Variants in ABCC4 observed in about 807,000 individuals in gnomAD.
ABCC4 encodes the protein ATP-binding cassette sub-family C member 4.
Under a neutral mutation model 168.5 loss-of-function variants are expected in ABCC4, and 102 were observed. The ratio of observed to expected loss-of-function variants is 0.61; its 90% CI spans 0.52 to 0.71. The LOEUF is 0.71. Ranked by LOEUF, ABCC4 falls within the 30% of genes least tolerant of loss-of-function variation. The pLI, the probability that ABCC4 is intolerant of heterozygous loss-of-function variation, is 0.00. For synonymous variants in ABCC4, 617 were observed against 590.7 expected (o/e 1.04, Z -0.65); for missense variants, 1,402 against 1,605.8 (o/e 0.87, Z 2.17).
intron 19 of ABCC4, among the ~76,000 whole-genome samples, chr13:95,138,980 C>T (rs1468087506): frequency 2.0e-5 from 3 of 152,190 alleles, no homozygotes; most frequent in Non-Finnish European, 4.4e-5. Flanking sequence ...CTTCAAGGCT[C>T]GCCCCACCTC....
At chr13:95,057,857 A>G (rs574908743) in intron 26 of ABCC4, among the ~76,000 whole-genome samples, 1 of 152,344 alleles carries the variant, frequency 6.6e-6, no homozygotes, top group African/African-American at 2.4e-5. Context: ...TAGATTCCCT[A>G]CATCAGTGTG....
rs2035038764 is a variant in ABCC4 at position 95,107,216 on chromosome 13, CA to C, written c.2535+8705del. On this transcript the variant is annotated intron_variant, in intron 20 of 30. Transcript: ENST00000645237. ...AAGCTACAGTGAGCCGAGATGGCAC[CA>C]TTGCACTCCAGCTTCGGTGACAAGA... is the stretch of plus-strand genomic sequence containing the variant. 2.0e-5 allele frequency among the ~76,000 whole-genome samples: 3 copies of C among 152,246 alleles called. No homozygotes were observed. The South Asian group carries it at 6.2e-4, about 32-fold the overall frequency.
chr13:95,173,801 C>T (rs930916709), intron 13 of ABCC4, among the ~76,000 whole-genome samples: 3 of 152,206 alleles, frequency 2.0e-5, no homozygotes, highest in Non-Finnish European at 2.9e-5. Flanking sequence ...GAGGTGAGGC[C>T]TATTTCATGA....
chr13:95,235,885 A>G (rs147029509), intron 3 of ABCC4, among the ~76,000 whole-genome samples: 94 of 152,336 alleles, frequency 6.2e-4, no homozygotes, highest in African/African-American at 2.2e-3. Flanking sequence ...AGGGAATGTC[A>G]TCAGTGGCTC....
chr13:95,071,403 G>C (rs1430064808), intron 25 of ABCC4, among the ~76,000 whole-genome samples: 2 of 152,122 alleles, frequency 1.3e-5, no homozygotes, highest in Non-Finnish European at 2.9e-5. Context: ...TGACTTCCTG[G>C]AAAAATCCAT....
Position 95,157,865 on chromosome 13 carries a change from A to G in ABCC4, c.2455+3324T>C, listed in dbSNP as rs545774935. ...AGCGGGCAGATCACGAGGTCAGGAGATCGAGACCATCCTGGCCAACACGGT... is the reference window on the plus strand; with the variant it reads ...AGCGGGCAGATCACGAGGTCAGGAGGTCGAGACCATCCTGGCCAACACGGT... On this transcript the variant is annotated intron_variant, in intron 19 of 30. Transcript: ENST00000645237. Among the ~76,000 whole-genome samples the G allele has an allele frequency of 3.9e-5, 6 of 151,996 alleles. No homozygotes were observed. The South Asian group carries it at 1.2e-3, about 32-fold the overall frequency.
At chr13:95,259,096 C>G (rs2138844292) in intron 1 of ABCC4, among the ~76,000 whole-genome samples, 1 of 152,194 alleles carries the variant, frequency 6.6e-6, no homozygotes. Context: ...ATTAGAAATG[C>G]CTTCCCCCGG....
At chr13:95,183,565 T>G (rs945777710) in intron 11 of ABCC4, among the ~76,000 whole-genome samples, 1 of 152,222 alleles carries the variant, frequency 6.6e-6, no homozygotes, top group African/African-American at 2.4e-5. Context: ...CATGTCCTTA[T>G]TTCTCAGCAG....
At chr13:95,209,914 C>A (rs2139683010) in intron 5 of ABCC4, among the ~76,000 whole-genome samples, 1 of 152,346 alleles carries the variant, frequency 6.6e-6, no homozygotes, top group South Asian at 2.1e-4. Flanking sequence ...CTCCCATATG[C>A]CCTGGGGCTC....
chr13:95,163,509 A>G, intron 17 of ABCC4, 101 bp downstream of exon 17: 1 of 1,123,026 alleles, frequency 8.9e-7, no homozygotes, highest in Non-Finnish European at 1.3e-6. Flanking sequence ...AGTGAGGATT[A>G]GAAGAGAAGG....
Position 95,269,100 on chromosome 13 carries a change from T to C in ABCC4, c.75-21347A>G, listed in dbSNP as rs143856450. ...CCCTTTGGTTCCAATTGGCAGCCAT[T>C]TGCTGTAGTAAAACTGTAATTGTAA... On this transcript the variant is annotated intron_variant, in intron 1 of 30. Transcript: ENST00000645237. 3.9e-4 allele frequency among the ~76,000 whole-genome samples: 60 copies of C among 152,288 alleles called. No homozygotes were observed. The East Asian group carries it at 0.01, about 25-fold the overall frequency.
intron 10 of ABCC4, among the ~76,000 whole-genome samples, chr13:95,188,032 T>C (rs2038124432): frequency 6.6e-6 from 1 of 152,208 alleles, no homozygotes; most frequent in African/African-American, 2.4e-5. Flanking sequence ...GTTTATTAAA[T>C]GTGTGTTCAT....
chr13:95,193,205 G>C (rs1409045138), intron 9 of ABCC4, among the ~76,000 whole-genome samples: 1 of 152,222 alleles, frequency 6.6e-6, no homozygotes. Context: ...GAGGCAGTGG[G>C]GCTGGGCAGG....
chr13:95,058,484 G>A (rs369974700), intron 26 of ABCC4, among the ~76,000 whole-genome samples: 1 of 138,548 alleles, frequency 7.2e-6, no homozygotes, highest in South Asian at 2.4e-4. Context: ...CAGGAGAATC[G>A]CTTGAACCCA....
rs1357434756 is a variant in ABCC4 at position 95,266,881 on chromosome 13, T to G, written c.75-19128A>C. 2.0e-3 allele frequency among the ~76,000 whole-genome samples: 264 copies of G among 129,956 alleles called. 1 individual carries two copies. Among genetic ancestry groups the G allele is most frequent in the African/African-American group, 9.6e-3 (243 of 25,310 alleles). The allele number at this position is 129,956 out of a possible 152,430, so 85.3% of individuals were successfully genotyped here. A position where few individuals can be genotyped will look rare whatever the true frequency, so the allele number is the denominator to read the frequency against. On this transcript the variant is annotated intron_variant, in intron 1 of 30. Coordinates refer to ENST00000645237, the MANE Select transcript of ABCC4 (RefSeq NM_005845.5). Reference sequence around the variant, plus strand: ...CTCTGTCTCCACTCAAATCTCATCTTTTTTTTTTTTTTTTGAGACGGAGTT... The same window carrying G: ...CTCTGTCTCCACTCAAATCTCATCTGTTTTTTTTTTTTTTGAGACGGAGTT...
intron 20 of ABCC4, among the ~76,000 whole-genome samples, chr13:95,098,001 T>G (rs964057259): frequency 1.3e-5 from 2 of 151,782 alleles, no homozygotes; most frequent in Non-Finnish European, 2.9e-5. Flanking sequence ...CTGGGTGTGG[T>G]GATGTGCGCC....
intron 3 of ABCC4, among the ~76,000 whole-genome samples, chr13:95,238,564 A>C (rs961145381): frequency 6.6e-6 from 1 of 152,026 alleles, no homozygotes; most frequent in African/African-American, 2.4e-5. Context: ...CGCTGTGAAG[A>C]GCTTTTTTGA....
At chr13:95,031,996 C>T (rs1481797401) in intron 30 of ABCC4, among the ~76,000 whole-genome samples, 1 of 152,144 alleles carries the variant, frequency 6.6e-6, no homozygotes, top group Non-Finnish European at 1.5e-5. Flanking sequence ...AGGTTCCTGG[C>T]TCTTTTGTGA....
intron 1 of ABCC4, among the ~76,000 whole-genome samples, chr13:95,284,729 A>G (rs1260623437): frequency 1.3e-5 from 2 of 152,178 alleles, no homozygotes; most frequent in Non-Finnish European, 2.9e-5. Context: ...CAGCACCTAT[A>G]ATCAAGAGGT....
Sources: allele counts gnomAD v4.1 joint callset (sites outside exome capture counted in the v4.1 genomes callset), GRCh38; gene constraint gnomAD v4.1.1; transcripts MANE v1.5; gene names NCBI Gene and HGNC (gene_info 2026-07-23, HGNC 2026-07-21).